The following ARHGAP32 variants were observed in gnomAD, a reference collection of about 807,000 sequenced individuals.
ARHGAP32 encodes rho GTPase-activating protein 32.
Under a neutral mutation model 186.5 loss-of-function variants are expected in ARHGAP32, and 51 were observed. The ratio of observed to expected loss-of-function variants is 0.27; its 90% confidence interval spans 0.22 to 0.35. The LOEUF (loss-of-function observed/expected upper bound fraction) is 0.35, where lower values mean the gene tolerates loss of function less well. Ranked by LOEUF, ARHGAP32 falls within the 10% of genes least tolerant of loss-of-function variation. The probability of loss-of-function intolerance (pLI) is 1.00; values close to 1 mark genes in which losing one functional copy is unlikely to be tolerated. For missense variants in ARHGAP32, 2,186 were observed against 2,623.5 expected, an observed-to-expected ratio of 0.83 and a Z score of 3.64; for synonymous variants, 950 against 964.3, an observed-to-expected ratio of 0.99 and a Z score of 0.27.
chr11:129,071,754 T>C (rs1782940449), intron 6 of ARHGAP32, among the ~76,000 whole-genome samples: 1 of 152,166 alleles, frequency 6.6e-6, no homozygotes, highest in Non-Finnish European at 1.5e-5. Flanking sequence ...CAAGAAGATA[T>C]CTGCTCTCCT....
chr11:129,002,460 A>T (rs1209359221), intron 11 of ARHGAP32, among the ~76,000 whole-genome samples: 1 of 152,162 alleles, frequency 6.6e-6, no homozygotes, highest in Non-Finnish European at 1.5e-5. Flanking sequence ...CACTTTACTG[A>T]ATTTGTTTTA....
chr11:129,255,333 G>A (rs147475746), intron 1 of ARHGAP32, among the ~76,000 whole-genome samples: 8 of 152,196 alleles, frequency 5.3e-5, no homozygotes, highest in African/African-American at 1.9e-4. Flanking sequence ...TAAATCTCAT[G>A]TGAAAATAAG....
intron 9 of ARHGAP32, 146 bp downstream of exon 9, chr11:129,063,756 A>AT (rs1940592639): frequency 1.1e-6 from 1 of 891,984 alleles, no homozygotes; most frequent in Admixed American, 2.9e-5. Flanking sequence ...AAAATAGAAG[A>AT]TATTACAGGC....
rs895583004 is a variant in ARHGAP32 at position 129,237,678 on chromosome 11, C to T, written c.-5+41468G>A. On this transcript the variant is annotated intron_variant, in intron 1 of 6. Coordinates refer to the ARHGAP32 transcript ENST00000525234. ...CACACTTGTGTCCAGTGTGGTGCAA[C>T]AGTACGGTGAGGGCAACAAAGTGAT... 1.6e-4 allele frequency among the ~76,000 whole-genome samples: 24 copies of T among 152,040 alleles called. 1 individual carries two copies. Among genetic ancestry groups the T allele is most frequent in the Admixed American group, 1.6e-3 (24 of 15,266 alleles).
In ARHGAP32 at chr11:129,093,641, G is replaced by C; in HGVS notation, c.511C>G (p.Leu171Val). The change falls in exon 6 of 23, where the codon CTC becomes GTC. Residue 171 changes from leucine (L) to valine (V), a missense_variant. Leu to Val is a conservative substitution (Grantham distance 32, BLOSUM62 1). This residue lies in a region of ARHGAP32 where 308 missense variants were observed against 596.5 expected (regional missense o/e 0.52). Coordinates refer to ENST00000682385, the MANE Select transcript of ARHGAP32 (RefSeq NM_001378024.1). ...NGCESKELVY[L>V]VQIACQGKSW... is the part of the protein sequence containing the mutation. The stretch of plus-strand genomic sequence containing the variant: ...ATCACCTGACAAGCAATCTGCACGA[G>C]GTAGACCAGCTCTTTAGATTCACAG... 1 of 1,605,660 alleles carries C rather than the reference G, an allele frequency of 6.2e-7. No individual in the cohort carries two copies. The highest frequency in any genetic ancestry group is 8.5e-7 in the Non-Finnish European group (1 of 1,175,616).
At chr11:129,164,261 A>G (rs1943588847) in intron 2 of ARHGAP32, 58 bp downstream of exon 2, 4 of 1,076,330 alleles carry the variant, frequency 3.7e-6, no homozygotes, top group African/African-American at 1.6e-5. Context: ...TTTTCCTTAT[A>G]TAAGTGCTAT....
intron 10 of ARHGAP32, among the ~76,000 whole-genome samples, chr11:129,056,360 C>T (rs917253939): frequency 2.2e-4 from 33 of 152,086 alleles, no homozygotes; most frequent in African/African-American, 8.0e-4. Context: ...GGTCCTCCTG[C>T]CTCAGCCTCC....
intron 1 of ARHGAP32, among the ~76,000 whole-genome samples, chr11:129,244,516 C>T (rs1219097275): frequency 6.6e-6 from 1 of 152,118 alleles, no homozygotes; most frequent in Non-Finnish European, 1.5e-5. Context: ...CTAGGCATTA[C>T]CATTCAGGAC....
chr11:128,999,549 A>G (rs1006750307), intron 11 of ARHGAP32, among the ~76,000 whole-genome samples: 4 of 152,142 alleles, frequency 2.6e-5, no homozygotes, highest in Non-Finnish European at 5.9e-5. Context: ...CTCCCCTTTG[A>G]AAATTGCTAA....
intron 17 of ARHGAP32, among the ~76,000 whole-genome samples, chr11:128,981,042 C>G (rs1591495098): frequency 6.6e-6 from 1 of 152,174 alleles, no homozygotes; most frequent in Non-Finnish European, 1.5e-5. Flanking sequence ...CACACATACA[C>G]ACATATAAAA....
chr11:129,228,709 G>C (rs116442257), intron 1 of ARHGAP32, among the ~76,000 whole-genome samples: 2,814 of 152,206 alleles, frequency 0.018, 100 homozygotes, highest in Admixed American at 0.082. Flanking sequence ...GCTTGTTGGG[G>C]AAGTGGGGGA....
At chr11:129,167,663 T>A (rs1591666072) in intron 1 of ARHGAP32, among the ~76,000 whole-genome samples, 1 of 152,118 alleles carries the variant, frequency 6.6e-6, no homozygotes, top group East Asian at 1.9e-4. Flanking sequence ...ATTTTCAGAA[T>A]AGTCAAGCCC....
chr11:129,183,547 T>A lies in ARHGAP32; in HGVS notation c.116+8536A>T, dbSNP rs190382831. On this transcript the variant is annotated intron_variant, in intron 1 of 22. Transcript: ENST00000682385. The stretch of plus-strand genomic sequence containing the variant: ...AGTTTGTTGTTAAGTTTATTTCTGG[T>A]ATCTCATCTTTGTTGCTCCTGAAAG... Among the ~76,000 whole-genome samples the A allele has an allele frequency of 4.5e-3, 693 of 152,316 alleles. 3 individuals are homozygous for A. The highest frequency in any genetic ancestry group is 0.014 in the Middle Eastern group (4 of 294).
chr11:129,059,598 C>A (rs1438405541), intron 10 of ARHGAP32, among the ~76,000 whole-genome samples: 1 of 146,260 alleles, frequency 6.8e-6, no homozygotes, highest in Non-Finnish European at 1.5e-5. Flanking sequence ...CTCCCGGGTT[C>A]AAGAGATTCT....
intron 1 of ARHGAP32, among the ~76,000 whole-genome samples, chr11:129,206,871 A>G (rs1373343012): frequency 1.3e-5 from 2 of 151,974 alleles, no homozygotes; most frequent in Admixed American, 6.6e-5. Context: ...CATCATCTAC[A>G]TTAGGTATAT....
rs771511786 is a variant in ARHGAP32, at chr11:128,972,841, T to C, written c.3665A>G (p.Tyr1222Cys). 21 of 1,613,900 alleles carry C rather than the reference T, an allele frequency of 1.3e-5. No homozygotes were observed. In the East Asian group the frequency reaches 2.7e-4, roughly 21 times the overall value. ...ATAAGAAGGAGGCTGATCTCCACTGTAGAAACGGGGTGGAGACTGGTCCTG... is the reference window on the plus strand; with the variant it reads ...ATAAGAAGGAGGCTGATCTCCACTGCAGAAACGGGGTGGAGACTGGTCCTG... ...LDQDQSPPRF[Y>C]SGDQPPSYLG... Residue 1222 changes from tyrosine to cysteine, a missense_variant, in exon 22 of 23, where the codon TAC (tyrosine) becomes TGC (cysteine). Transcript: ENST00000682385.
At chr11:129,200,945 G>C (rs1177602848) in intron 1 of ARHGAP32, among the ~76,000 whole-genome samples, 3 of 152,040 alleles carry the variant, frequency 2.0e-5, no homozygotes, top group East Asian at 1.9e-4. Flanking sequence ...ATTTAAAAGA[G>C]AGTGCTAATC....
chr11:129,021,819 A>G (rs1402612658), intron 11 of ARHGAP32, among the ~76,000 whole-genome samples: 1 of 151,992 alleles, frequency 6.6e-6, no homozygotes, highest in Admixed American at 6.6e-5. Context: ...TGACTTTACC[A>G]CCTCGGTTAT....
intron 1 of ARHGAP32, among the ~76,000 whole-genome samples, chr11:129,177,082 C>T (rs1287707262): frequency 6.6e-6 from 1 of 150,980 alleles, no homozygotes; most frequent in East Asian, 1.9e-4. Flanking sequence ...CAAATAGACG[C>T]AATAAAAAAT....
Sources: gnomAD v4.1 joint callset for allele counts (sites outside exome capture counted in the v4.1 genomes callset) on GRCh38, gnomAD v4.1.1 for gene constraint, gnomAD v4.1.1 regional missense constraint, MANE v1.5 for transcripts, NCBI Gene and HGNC (gene_info 2026-07-23, HGNC 2026-07-21) for gene names.